Variants in FMO5 observed in about 807,000 individuals in gnomAD.
FMO5 encodes flavin-containing monooxygenase 5.
In FMO5, 51 loss-of-function variants were observed where a neutral mutation model predicts 43.6. That is an observed-to-expected ratio of 1.17 (90% CI 0.93 to 1.48). The LOEUF (loss-of-function observed/expected upper bound fraction) is 1.48. Among genes scored for constraint, FMO5 ranks in the 40% most tolerant of loss-of-function variants. The pLI, the probability that FMO5 is intolerant of heterozygous loss-of-function variation, is 0.00. For missense variants in FMO5, 644 were observed against 643.0 expected, an observed-to-expected ratio of 1.00 and a Z score of -0.02; for synonymous variants, 187 against 216.5, an observed-to-expected ratio of 0.86 and a Z score of 1.20.
At chr1:147,220,503 T>C (rs1208015845) in intron 2 of FMO5, among the ~76,000 whole-genome samples, 2 of 152,158 alleles carry the variant, frequency 1.3e-5, no homozygotes, top group African/African-American at 4.8e-5. Flanking sequence ...TTGTCCTTAA[T>C]AGTGGGCTGT....
At chr1:147,194,063 G>A (rs1467585687) in intron 7 of FMO5, among the ~76,000 whole-genome samples, 1 of 152,082 alleles carries the variant, frequency 6.6e-6, no homozygotes, top group Non-Finnish European at 1.5e-5. Context: ...GGGTATCCTT[G>A]TTAACCTTCT....
chr1:147,222,628 G>A (rs1055401092), intron 2 of FMO5, among the ~76,000 whole-genome samples: 6 of 152,142 alleles, frequency 3.9e-5, no homozygotes, highest in South Asian at 2.1e-4. Flanking sequence ...GAAATATAAC[G>A]GTGAACCACA....
intron 2 of FMO5, chr1:147,223,891 A>G (rs1382200317): frequency 1.4e-5 from 5 of 354,136 alleles, no homozygotes; most frequent in Non-Finnish European, 2.7e-5. Context: ...AGAAGCAGAG[A>G]CTGTTGTCCT....
intron 2 of FMO5, among the ~76,000 whole-genome samples, chr1:147,217,204 A>G (rs944652277): frequency 2.0e-5 from 3 of 151,630 alleles, no homozygotes; most frequent in Admixed American, 1.3e-4. Flanking sequence ...GCGCCATTGC[A>G]CTCCAGCCTG....
chr1:147,215,113 T>G (rs1485094752), intron 3 of FMO5: 1 of 152,138 alleles, frequency 6.6e-6, no homozygotes, highest in Non-Finnish European at 1.5e-5. Context: ...CTAGAATACT[T>G]TAGAGCAGGA....
chr1:147,225,256 G>T, intron 1 of FMO5, 31 bp downstream of exon 1: 2 of 1,192,098 alleles, frequency 1.7e-6, no homozygotes, highest in South Asian at 1.7e-5. Flanking sequence ...ACCCAGAGCT[G>T]AGAGTGCTCT....
At chr1:147,197,412 C>T (rs7519377) in intron 7 of FMO5, among the ~76,000 whole-genome samples, 6,297 of 152,112 alleles carry the variant, frequency 0.041, 325 homozygotes, top group East Asian at 0.17. Flanking sequence ...ACTTGTCTGT[C>T]TTTGATATGG....
At chr1:147,215,140 A>G (rs1553924680) in intron 3 of FMO5, 1 of 152,236 alleles carries the variant, frequency 6.6e-6, no homozygotes, top group African/African-American at 2.4e-5. Context: ...CACAGAAGTG[A>G]TCTGGTACAA....
At chr1:147,202,883 C>T (rs949497410) in intron 6 of FMO5, among the ~76,000 whole-genome samples, 2 of 152,140 alleles carry the variant, frequency 1.3e-5, no homozygotes, top group African/African-American at 4.8e-5. Context: ...GGTCACCAAG[C>T]CTTTTCCCTT....
intron 3 of FMO5, among the ~76,000 whole-genome samples, chr1:147,214,111 A>G (rs2101977896): frequency 6.6e-6 from 1 of 152,294 alleles, no homozygotes; most frequent in East Asian, 1.9e-4. Context: ...AGGAAACACT[A>G]TGTGCTTCTA....
intron 2 of FMO5, among the ~76,000 whole-genome samples, chr1:147,221,286 T>A (rs139476908): frequency 9.8e-5 from 15 of 152,316 alleles, no homozygotes; most frequent in Non-Finnish European, 1.5e-4. Context: ...GGACTTCAGT[T>A]AATAATAATG....
chr1:147,215,830 A>G lies in FMO5; in HGVS notation c.248T>C (p.Met83Thr), dbSNP rs1386781691. Reference protein sequence around the residue: ...YPIPDHYPNFMHNAQVLEYFR... With the variant: ...YPIPDHYPNFTHNAQVLEYFR... ...ATACTCCAGGACCTGGGCATTATGC[A>G]TGAAGTTGGGATAATGATCTGGGAT... is the stretch of plus-strand genomic sequence containing the variant. Residue 83 changes from methionine to threonine, a missense_variant, in exon 3 of 9, where the codon ATG (methionine) becomes ACG (threonine). Met to Thr is a moderately conservative substitution (Grantham distance 81). Transcript: ENST00000254090. 2 of 1,613,496 alleles carry G rather than the reference A, an allele frequency of 1.2e-6. No individual in the cohort carries two copies. Among genetic ancestry groups the G allele is most frequent in the Non-Finnish European group, 1.7e-6 (2 of 1,179,520 alleles).
Position 147,193,878 on chromosome 1 carries a change from G to T in FMO5, c.1184-3629C>A, listed in dbSNP as rs182808105. Among the ~76,000 whole-genome samples, 920 of 152,214 alleles carry T rather than the reference G, an allele frequency of 6.0e-3. 14 individuals carry two copies. The highest frequency in any genetic ancestry group is 0.021 in the African/African-American group (866 of 41,508). On this transcript the variant is annotated intron_variant, in intron 7 of 8. Transcript: ENST00000254090. ...TGCACTGTGGTCTGAGAGACAGTTTGTTATAATTTCTGTTCTTTTACATTT... is the reference window on the plus strand; with the variant it reads ...TGCACTGTGGTCTGAGAGACAGTTTTTTATAATTTCTGTTCTTTTACATTT...
At chr1:147,212,247 G>A (rs1189255702) in intron 5 of FMO5, 146 bp downstream of exon 5, 8 of 752,938 alleles carry the variant, frequency 1.1e-5, no homozygotes, top group East Asian at 2.6e-5. Flanking sequence ...TGCCAACTGA[G>A]GTAATGAAAC....
downstream of FMO5, chr1:147,184,674 G>A (rs1553916722): frequency 6.9e-7 from 1 of 1,454,208 alleles, no homozygotes; most frequent in Non-Finnish European, 9.1e-7. The surrounding 1 kb of genome is among the most constrained non-coding windows in gnomAD (Gnocchi z 4.4). Context: ...GAGGTAAAGT[G>A]GCCTTCTCAT....
chr1:147,214,142 C>T (rs895949208), intron 3 of FMO5, among the ~76,000 whole-genome samples: 1 of 152,092 alleles, frequency 6.6e-6, no homozygotes, highest in African/African-American at 2.4e-5. Context: ...ACCATAATGT[C>T]TTCATGGACT....
chr1:147,224,987 C>T lies in FMO5; in HGVS notation c.43G>A (p.Gly15Arg), dbSNP rs1663772412. 9.3e-6 allele frequency: 15 copies of T among 1,613,958 alleles called. No homozygotes were observed. The highest frequency in any genetic ancestry group is 2.2e-5 in the South Asian group (2 of 91,072). Residue 15 changes from glycine (G) to arginine (R), a missense_variant, in exon 2 of 9, where the codon GGG (glycine) becomes AGG (arginine). By Grantham distance (125) the Gly-to-Arg change is moderately radical (BLOSUM62 -2). Coordinates refer to ENST00000254090, the MANE Select transcript of FMO5 (RefSeq NM_001461.4). ...ACGCAGCACTTGATGGAAGAGAGCC[C>T]GCTCACTCCTCCCCCAATCACAGCA... ...RIAVIGGGVS[G>R]LSSIKCCVEE...
intron 7 of FMO5, among the ~76,000 whole-genome samples, chr1:147,199,618 G>T (rs587755625): frequency 1.3e-5 from 2 of 152,232 alleles, no homozygotes; most frequent in East Asian, 3.9e-4. Flanking sequence ...AAGATGCTGT[G>T]GCCTGTTTTA....
intron 2 of FMO5, among the ~76,000 whole-genome samples, chr1:147,221,122 A>G (rs1457847168): frequency 3.3e-5 from 5 of 152,128 alleles, no homozygotes; most frequent in Non-Finnish European, 7.4e-5. Context: ...CCCCAAAACT[A>G]TCAAGGGCAT....
Sources: gnomAD v4.1 joint callset for allele counts (sites outside exome capture counted in the v4.1 genomes callset) on GRCh38, gnomAD v4.1.1 for gene constraint, Gnocchi (gnomAD v3.1) non-coding constraint, MANE v1.5 for transcripts, NCBI Gene and HGNC (gene_info 2026-07-23, HGNC 2026-07-21) for gene names.